The following PATJ variants were observed in gnomAD, a reference collection of about 807,000 sequenced individuals.
The protein encoded by PATJ is PATJ crumbs cell polarity complex component.
Under a neutral mutation model 224.9 loss-of-function variants are expected in PATJ, and 190 were observed. That is an observed-to-expected ratio of 0.84 (90% confidence interval 0.75 to 0.95). PATJ has a LOEUF of 0.95. Among genes scored for constraint, PATJ ranks in the 40% least tolerant of loss-of-function variants. PATJ has a pLI of 0.00. For missense variants in PATJ, 2,121 were observed against 2,270.3 expected, an observed-to-expected ratio of 0.93 and a Z score of 1.34; for synonymous variants, 769 against 820.3, an observed-to-expected ratio of 0.94 and a Z score of 1.07.
rs142902722 is a variant in PATJ at position 61,857,439 on chromosome 1, A to G, written c.2322+1200A>G. 4.4e-3 allele frequency among the ~76,000 whole-genome samples: 677 copies of G among 152,318 alleles called. 6 individuals are homozygous for G. The highest frequency in any genetic ancestry group is 0.015 in the African/African-American group (620 of 41,574). On this transcript the variant is annotated intron_variant, in intron 18 of 43. Transcript: ENST00000642238. ...AGTAAGGGGCAGAGTTGTAATGTGC[A>G]CCCAGCAGGGCACCTTCAAACCCTG...
chr1:61,811,894 T>C (rs906213908), intron 14 of PATJ, among the ~76,000 whole-genome samples: 3 of 151,352 alleles, frequency 2.0e-5, no homozygotes, highest in South Asian at 2.1e-4. Flanking sequence ...ACCCCATCTC[T>C]ACTAAAAATA....
intron 7 of PATJ, among the ~76,000 whole-genome samples, chr1:61,778,680 A>G (rs1472878736): frequency 6.6e-6 from 1 of 152,028 alleles, no homozygotes; most frequent in East Asian, 1.9e-4. Flanking sequence ...AAAATATTAA[A>G]CAGTCCCACT....
At chr1:61,904,960 C>T (rs952377147) in intron 24 of PATJ, among the ~76,000 whole-genome samples, 1 of 152,178 alleles carries the variant, frequency 6.6e-6, no homozygotes, top group Non-Finnish European at 1.5e-5. Flanking sequence ...AGGTGGCTCA[C>T]ACCTGTAATC....
At chr1:62,134,204 CTTT>C (rs71050201) in intron 41 of PATJ, among the ~76,000 whole-genome samples, 2 of 123,988 alleles carry the variant, frequency 1.6e-5, no homozygotes, top group East Asian at 2.4e-4. Flanking sequence ...GTACTCTCGT[CTTT>C]TTTTTTTTTT....
At chr1:61,924,440 C>T (rs1674811827) in intron 26 of PATJ, among the ~76,000 whole-genome samples, 1 of 152,164 alleles carries the variant, frequency 6.6e-6, no homozygotes, top group Non-Finnish European at 1.5e-5. Context: ...AGGTTTTCTT[C>T]AGTGTTATTT....
At chr1:62,146,692 G>A (rs895439317) in intron 41 of PATJ, among the ~76,000 whole-genome samples, 1 of 152,066 alleles carries the variant, frequency 6.6e-6, no homozygotes, top group African/African-American at 2.4e-5. Flanking sequence ...CAGGAGACTC[G>A]CTTGAACCCG....
chr1:61,871,220 AT>A (rs1203115569), intron 20 of PATJ, among the ~76,000 whole-genome samples: 4 of 144,562 alleles, frequency 2.8e-5, no homozygotes, highest in African/African-American at 5.1e-5. Context: ...TTTATTTTTT[AT>A]TTTTTTTGAG....
At chr1:61,749,130 C>T (rs1239220828) in intron 1 of PATJ, among the ~76,000 whole-genome samples, 1 of 151,844 alleles carries the variant, frequency 6.6e-6, no homozygotes, top group African/African-American at 2.4e-5. Flanking sequence ...TGCCCGCCAC[C>T]ACGCCCAGCT....
Position 62,114,154 on chromosome 1 carries a change from A to C in PATJ, c.4563A>C (p.Ala1521=). Residue 1521 remains alanine (A), a synonymous_variant, in exon 35 of 44, where the codon GCA becomes GCC. Transcript: ENST00000642238. The stretch of plus-strand genomic sequence containing the variant: ...GGCTGGTGGTGTATAGAGATGAGGC[A>C]CACTACCGGGATGAGGAGAACTTGG... ...KVRLVVYRDE[A]HYRDEENLEI... 1 of 1,614,116 alleles carries C rather than the reference A, an allele frequency of 6.2e-7. No individual in the cohort carries two copies. Among genetic ancestry groups the C allele is most frequent in the Non-Finnish European group, 8.5e-7 (1 of 1,179,998 alleles).
intron 20 of PATJ, among the ~76,000 whole-genome samples, chr1:61,869,097 A>ATTTTTTTT (rs113334846): frequency 1.6e-5 from 2 of 125,534 alleles, no homozygotes; most frequent in African/African-American, 3.1e-5. Flanking sequence ...TGGAAATAAC[A>ATTTTTTTT]TTTTTTTTTT....
intron 21 of PATJ, among the ~76,000 whole-genome samples, chr1:61,879,789 G>A (rs1667834367): frequency 6.6e-6 from 1 of 151,300 alleles, no homozygotes; most frequent in Non-Finnish European, 1.5e-5. Context: ...GATTTTTATG[G>A]GACTGATTCC....
intron 22 of PATJ, among the ~76,000 whole-genome samples, chr1:61,894,042 G>A (rs901164618): frequency 6.6e-6 from 1 of 151,766 alleles, no homozygotes; most frequent in Non-Finnish European, 1.5e-5. Flanking sequence ...ATCACCTGAG[G>A]TCAAGAGTTC....
intron 7 of PATJ, among the ~76,000 whole-genome samples, chr1:61,777,046 G>A (rs1193742199): frequency 6.6e-6 from 1 of 151,840 alleles, no homozygotes; most frequent in African/African-American, 2.4e-5. Flanking sequence ...TTTTTTATGT[G>A]GAACACATTT....
chr1:61,845,437 T>G (rs1406028087), intron 17 of PATJ, among the ~76,000 whole-genome samples: 1 of 152,192 alleles, frequency 6.6e-6, no homozygotes, highest in East Asian at 1.9e-4. Flanking sequence ...AGAAACATAC[T>G]TAATATAATT....
At chr1:62,074,895 C>T (rs1446316907) in intron 31 of PATJ, among the ~76,000 whole-genome samples, 2 of 152,182 alleles carry the variant, frequency 1.3e-5, no homozygotes, top group Admixed American at 6.5e-5. Flanking sequence ...ACCCAGGAGG[C>T]GGAGGTTGCA....
At chr1:61,807,759 G>A (rs1653887347) in intron 13 of PATJ, among the ~76,000 whole-genome samples, 1 of 152,196 alleles carries the variant, frequency 6.6e-6, no homozygotes, top group African/African-American at 2.4e-5. Flanking sequence ...ACTTTCAGAA[G>A]CTGTAGTTGG....
chr1:61,782,996 A>G (rs759079918), intron 7 of PATJ, among the ~76,000 whole-genome samples: 2 of 152,200 alleles, frequency 1.3e-5, no homozygotes, highest in Non-Finnish European at 2.9e-5. Context: ...AACAGTTATA[A>G]TATGAGTCTA....
intron 28 of PATJ, among the ~76,000 whole-genome samples, chr1:62,014,722 A>G (rs7513239): frequency 0.012 from 1,873 of 151,902 alleles, 40 homozygotes; most frequent in African/African-American, 0.042. Flanking sequence ...GCATGCCACC[A>G]CACTTGGCTA....
At chr1:62,063,831 C>T (rs1316853456) in intron 31 of PATJ, among the ~76,000 whole-genome samples, 1 of 152,134 alleles carries the variant, frequency 6.6e-6, no homozygotes, top group African/African-American at 2.4e-5. Context: ...AGAAATACTA[C>T]TGATTTTTGT....
Sources: allele counts gnomAD v4.1 joint callset (sites outside exome capture counted in the v4.1 genomes callset), GRCh38; gene constraint gnomAD v4.1.1; transcripts MANE v1.5; gene names NCBI Gene and HGNC (gene_info 2026-07-23, HGNC 2026-07-21).